The following GRIP1 variants were observed in gnomAD, a reference collection of about 807,000 sequenced individuals.
GRIP1 encodes the protein glutamate receptor interacting protein 1.
A neutral mutation model predicts 129.9 loss-of-function variants in GRIP1; 45 were observed. That is an observed-to-expected ratio of 0.35 (90% CI 0.27 to 0.44). The LOEUF (loss-of-function observed/expected upper bound fraction) is 0.44. GRIP1 is among the 20% of genes least tolerant of loss of function. GRIP1 has a pLI of 1.00. For synonymous variants in GRIP1, 530 were observed against 520.8 expected, an observed-to-expected ratio of 1.02 and a Z score of -0.24; for missense variants, 1,196 against 1,396.8, an observed-to-expected ratio of 0.86 and a Z score of 2.29.
intron 14 of GRIP1, 51 bp downstream of exon 14, chr12:66,432,497 C>T (rs2058178298): frequency 2.8e-6 from 3 of 1,079,176 alleles, no homozygotes; most frequent in Non-Finnish European, 4.2e-6. Context: ...TTTGACAACA[C>T]AGTTTTCTAA....
At chr12:66,690,721 TTTTTCAAAAAA>T (rs2034953566) in intron 1 of GRIP1, among the ~76,000 whole-genome samples, 1 of 148,514 alleles carries the variant, frequency 6.7e-6, no homozygotes, top group African/African-American at 2.5e-5. Flanking sequence ...AAAAAAAAAT[TTTTTCAAAAAA>T]TTTTTTTTAA....
intron 1 of GRIP1, among the ~76,000 whole-genome samples, chr12:66,785,309 TAC>T (rs1183840948): frequency 0.012 from 813 of 65,772 alleles, 20 homozygotes; most frequent in Middle Eastern, 0.1. Flanking sequence ...GAATTTAACA[TAC>T]ATACATACAT....
At chr12:66,366,763 A>C (rs2055174692) in intron 23 of GRIP1, among the ~76,000 whole-genome samples, 1 of 152,174 alleles carries the variant, frequency 6.6e-6, no homozygotes, top group Admixed American at 6.5e-5. Flanking sequence ...AGTTCACTGA[A>C]GCCTTGACCT....
At chr12:66,536,920 G>T (rs1268281067) in intron 4 of GRIP1, among the ~76,000 whole-genome samples, 1 of 152,080 alleles carries the variant, frequency 6.6e-6, no homozygotes, top group Non-Finnish European at 1.5e-5. Flanking sequence ...CTATCTCAGG[G>T]TAGCATCCAT....
intron 1 of GRIP1, among the ~76,000 whole-genome samples, chr12:66,956,201 C>A (rs2041838793): frequency 6.6e-6 from 1 of 152,148 alleles, no homozygotes; most frequent in South Asian, 2.1e-4. Context: ...AGTCATCGGG[C>A]CTGTTTAGTG....
intron 4 of GRIP1, among the ~76,000 whole-genome samples, chr12:66,533,646 AAAAC>A (rs1293087945): frequency 1.3e-5 from 2 of 152,254 alleles, no homozygotes; most frequent in African/African-American, 2.4e-5. Context: ...ACTCCATCTC[AAAAC>A]AAACAAACAA....
chr12:66,858,889 C>T (rs1391046922), intron 1 of GRIP1, among the ~76,000 whole-genome samples: 1 of 151,632 alleles, frequency 6.6e-6, no homozygotes, highest in East Asian at 1.9e-4. Flanking sequence ...AATTTGGTGA[C>T]TTTTTTGTGG....
chr12:66,895,994 T>A (rs894251664), intron 1 of GRIP1, among the ~76,000 whole-genome samples: 1 of 152,190 alleles, frequency 6.6e-6, no homozygotes, highest in East Asian at 1.9e-4. Flanking sequence ...AAAGAATCAA[T>A]GGTCATTTTG....
At chr12:67,054,794 C>T (rs1465140229) in intron 1 of GRIP1, among the ~76,000 whole-genome samples, 2 of 150,062 alleles carry the variant, frequency 1.3e-5, no homozygotes, top group Non-Finnish European at 3.0e-5. Context: ...CCCTATAGTA[C>T]TCCAATATGT....
At chr12:66,810,062 A>C (rs1294427787) in intron 1 of GRIP1, among the ~76,000 whole-genome samples, 3 of 152,186 alleles carry the variant, frequency 2.0e-5, no homozygotes, top group Non-Finnish European at 4.4e-5. Flanking sequence ...AATCCTTGCA[A>C]CCACTTCTAA....
chr12:66,389,764 G>A (rs1278670675), intron 19 of GRIP1, among the ~76,000 whole-genome samples: 1 of 152,098 alleles, frequency 6.6e-6, no homozygotes, highest in Admixed American at 6.5e-5. Context: ...CTTTGCTCCG[G>A]GCTGTCGGGC....
rs575013560 is a variant in GRIP1 at position 66,711,197 on chromosome 12, C to G, written c.-419-80861G>C. ...TTTTCAAAATGTTTGGTTAAAAAAT[C>G]TACTTAATAACAAAATAATGAGACT... On this transcript the variant is annotated intron_variant, in intron 1 of 4. Coordinates refer to the GRIP1 transcript ENST00000538373. 1.8e-3 allele frequency among the ~76,000 whole-genome samples: 280 copies of G among 151,838 alleles called. 2 individuals carry two copies. Among genetic ancestry groups the G allele is most frequent in the African/African-American group, 6.2e-3 (257 of 41,494 alleles).
At chr12:66,376,953 CAGAAGGCAA>C in intron 22 of GRIP1, 55 bp downstream of exon 22, 1 of 1,112,786 alleles carries the variant, frequency 9.0e-7, no homozygotes, top group Non-Finnish European at 1.4e-6. Context: ...AATTGCTGTC[CAGAAGGCAA>C]GGGGGTAGGG....
chr12:66,553,609 G>A (rs562131757), intron 2 of GRIP1, among the ~76,000 whole-genome samples: 23 of 151,578 alleles, frequency 1.5e-4, no homozygotes, highest in Non-Finnish European at 7.4e-5. Context: ...AAAATCAGGT[G>A]AGCGATCACA....
chr12:66,787,121 C>T (rs985889704), intron 1 of GRIP1, among the ~76,000 whole-genome samples: 1 of 152,124 alleles, frequency 6.6e-6, no homozygotes, highest in Non-Finnish European at 1.5e-5. Flanking sequence ...CCCAGCTGAG[C>T]CCAATTACTA....
chr12:66,452,127 C>T (rs1328458877), intron 11 of GRIP1, among the ~76,000 whole-genome samples: 1 of 152,174 alleles, frequency 6.6e-6, no homozygotes, highest in African/African-American at 2.4e-5. Context: ...TCTACACTGG[C>T]CCAGGGTACA....
chr12:66,999,906 A>G (rs889813153), intron 1 of GRIP1, among the ~76,000 whole-genome samples: 2 of 152,070 alleles, frequency 1.3e-5, no homozygotes, highest in African/African-American at 4.8e-5. Flanking sequence ...ACCTTCCTGC[A>G]CTCATAATTT....
intron 2 of GRIP1, among the ~76,000 whole-genome samples, chr12:66,595,813 CT>C (rs2139752227): frequency 6.6e-6 from 1 of 152,180 alleles, no homozygotes; most frequent in East Asian, 1.9e-4. Context: ...GAATCTGAGC[CT>C]TTGGAATAAG....
intron 1 of GRIP1, among the ~76,000 whole-genome samples, chr12:66,967,368 T>G (rs1414773543): frequency 6.6e-6 from 1 of 152,202 alleles, no homozygotes; most frequent in Non-Finnish European, 1.5e-5. Flanking sequence ...CACCATACTA[T>G]GCAATAGAAC....
Sources: allele counts gnomAD v4.1 joint callset (sites outside exome capture counted in the v4.1 genomes callset), GRCh38; gene constraint gnomAD v4.1.1; transcripts MANE v1.5; gene names NCBI Gene and HGNC (gene_info 2026-07-23, HGNC 2026-07-21).